Variants in CA5A observed in about 807,000 individuals in gnomAD.
CA5A encodes carbonic anhydrase 5A, also known as carbonic anhydrase 5A, mitochondrial.
CA5A carries 28 observed loss-of-function variants against 37.1 expected under a neutral mutation model. The ratio of observed to expected loss-of-function variants is 0.75; its 90% CI spans 0.56 to 1.03. The LOEUF is 1.03. CA5A is among the 50% of genes least tolerant of loss of function. The pLI is 0.00. For synonymous variants in CA5A, 171 were observed against 158.4 expected (o/e 1.08, Z -0.60); for missense variants, 444 against 399.9 (o/e 1.11, Z -0.94).
rs147233117 is a variant in CA5A at position 87,932,989 on chromosome 16, C to T, written c.142+3320G>A. 2.1e-3 allele frequency among the ~76,000 whole-genome samples: 319 copies of T among 152,334 alleles called. 1 individual carries two copies. The East Asian group carries it at 0.026, about 13-fold the overall frequency. On this transcript the variant is annotated intron_variant, in intron 1 of 6. Coordinates refer to ENST00000649794, the MANE Select transcript of CA5A (RefSeq NM_001739.2). Reference sequence around the variant, plus strand: ...CCTCGCCCTGTGAGTGCCTGCCCTCCGCCGTGAGAAGAACAGGCCTCAGGT... The same window carrying T: ...CCTCGCCCTGTGAGTGCCTGCCCTCTGCCGTGAGAAGAACAGGCCTCAGGT...
chr16:87,932,326 G>A (rs562577330), intron 1 of CA5A, among the ~76,000 whole-genome samples: 2 of 152,162 alleles, frequency 1.3e-5, no homozygotes, highest in African/African-American at 2.4e-5. Flanking sequence ...GACCAGAGAC[G>A]CAGGCTTCCC....
chr16:87,923,069 G>C (rs1301770716), intron 2 of CA5A, among the ~76,000 whole-genome samples: 1 of 152,222 alleles, frequency 6.6e-6, no homozygotes, highest in Non-Finnish European at 1.5e-5. Context: ...CCTTGTACTA[G>C]GTCACTCACC....
rs894335263 is a variant in CA5A, at chr16:87,911,845, C to T, written c.341-6941G>A. On this transcript the variant is annotated intron_variant, in intron 2 of 6. Coordinates refer to ENST00000649794, the MANE Select transcript of CA5A (RefSeq NM_001739.2). The surrounding 1 kb of genome is among the most constrained non-coding windows in gnomAD (Gnocchi z 4.6). Reference sequence around the variant, plus strand: ...TTATAGGTCTGTGGCCCAGACTAGACGTTTATAAAAGGATAATGATGCCTA... The same window carrying T: ...TTATAGGTCTGTGGCCCAGACTAGATGTTTATAAAAGGATAATGATGCCTA... Among the ~76,000 whole-genome samples the T allele has an allele frequency of 2.6e-5, 4 of 152,124 alleles. No individual in the cohort carries two copies. The highest frequency in any genetic ancestry group is 4.4e-5 in the Non-Finnish European group (3 of 68,038).
Position 87,911,541 on chromosome 16 carries a change from C to A in CA5A, c.341-6637G>T, listed in dbSNP as rs1268535217. Among the ~76,000 whole-genome samples the A allele has an allele frequency of 6.6e-6, 1 of 152,158 alleles. No homozygotes were observed. The highest frequency in any genetic ancestry group is 1.5e-5 in the Non-Finnish European group (1 of 68,036). ...ACTGGAAATTTCAAATAACATGATG[C>A]TGCAAAGGACCGGCCTGCTTCCGGT... On this transcript the variant is annotated intron_variant, in intron 2 of 6. Coordinates refer to ENST00000649794, the MANE Select transcript of CA5A (RefSeq NM_001739.2). The surrounding 1 kb of genome is among the most constrained non-coding windows in gnomAD (Gnocchi z 4.6).
chr16:87,902,537 A>T lies in CA5A; in HGVS notation c.460-17T>A. On this transcript the variant is annotated splice_polypyrimidine_tract_variant and intron_variant, in intron 3 of 6. Transcript: ENST00000649794. ...TAAATGCAGCTGAAACACAATGGAA[A>T]GAGAACTTAAATTGATCAGCAAGAA... 1 of 1,301,128 alleles carries T rather than the reference A, an allele frequency of 7.7e-7. No individual in the cohort carries two copies. The highest frequency in any genetic ancestry group is 1.1e-6 in the Non-Finnish European group (1 of 894,218). The allele number at this position is 1,301,128 out of a possible 1,614,324, so 80.6% of individuals were successfully genotyped here.
Position 87,891,871 on chromosome 16 carries a change from G to C in CA5A, c.702C>G (p.Leu234=), listed in dbSNP as rs1453509655. 2 of 1,575,400 alleles carry C rather than the reference G, an allele frequency of 1.3e-6. No homozygotes were observed. Among genetic ancestry groups the C allele is most frequent in the East Asian group, 4.8e-5 (2 of 41,590 alleles). ...CCGACTCGGTCAGCGGCGGGGTGGT[G>C]AGCGAGCCCGCGTAGGTCCAGTAAT... is the stretch of plus-strand genomic sequence containing the variant. The part of the protein sequence containing the change: ...CWDYWTYAGS[L]TTPPLTESVT... Residue 234 remains leucine (L), a synonymous_variant, in exon 6 of 7, where the codon CTC becomes CTG. Transcript: ENST00000649794.
At chr16:87,884,242 C>G (rs531479362), downstream of CA5A, 1 of 121,968 alleles carries the variant, frequency 8.2e-6, no homozygotes, top group African/African-American at 3.2e-5. Context: ...ATGGTGAAAC[C>G]GAATCTCTAC....
downstream of CA5A, chr16:87,887,800 C>G (rs2055660734): frequency 4.4e-6 from 1 of 225,792 alleles, no homozygotes; most frequent in South Asian, 1.0e-4. Flanking sequence ...GTGAGGACAC[C>G]TTGGTGTCGG....
intron 2 of CA5A, among the ~76,000 whole-genome samples, chr16:87,921,230 TTTTA>T (rs1270172941): frequency 2.0e-5 from 3 of 152,336 alleles, no homozygotes; most frequent in East Asian, 3.9e-4. Context: ...GCCTGGCCAC[TTTTA>T]TTTGTCTGCT....
intron 5 of CA5A, among the ~76,000 whole-genome samples, chr16:87,900,059 TC>T (rs1249490513): frequency 5.4e-5 from 8 of 148,258 alleles, no homozygotes; most frequent in Non-Finnish European, 1.5e-5. Flanking sequence ...GCATCATTCC[TC>T]CCCTGTGGTT....
rs1450887740 is a variant in CA5A, at chr16:87,924,381, T to C, written c.340+2367A>G. 4 of 912,388 alleles carry C rather than the reference T, an allele frequency of 4.4e-6. No homozygotes were observed. The East Asian group carries it at 3.6e-4, about 81-fold the overall frequency. 56.5% of individuals were successfully genotyped at this position (912,388 alleles called of 1,614,324 possible). The stretch of plus-strand genomic sequence containing the variant: ...CACTGGAAGGACCAAGCCGTGGTGT[T>C]TGCGATGCACTGTGTAGGGCCTGGC... On this transcript the variant is annotated intron_variant, in intron 2 of 6. Coordinates refer to ENST00000649794, the MANE Select transcript of CA5A (RefSeq NM_001739.2).
intron 1 of CA5A, among the ~76,000 whole-genome samples, chr16:87,934,874 C>A (rs1343174064): frequency 6.6e-6 from 1 of 152,046 alleles, no homozygotes; most frequent in African/African-American, 2.4e-5. Flanking sequence ...TCAAGAGGAT[C>A]GCTTGAACCC....
chr16:87,905,176 G>A (rs1012347955), intron 2 of CA5A, among the ~76,000 whole-genome samples: 4 of 151,958 alleles, frequency 2.6e-5, no homozygotes, highest in Non-Finnish European at 5.9e-5. Context: ...TGGTGGTGAG[G>A]GCCTCAACTC....
chr16:87,928,751 CTTTTCTTTGT>C (rs2056351508), intron 1 of CA5A, among the ~76,000 whole-genome samples: 1 of 107,268 alleles, frequency 9.3e-6, no homozygotes, highest in African/African-American at 3.6e-5. Flanking sequence ...GGATTATTTT[CTTTTCTTTGT>C]TTTTTTTTTT....
intron 1 of CA5A, 114 bp downstream of exon 1, chr16:87,936,195 G>A (rs1314317031): frequency 1.7e-5 from 11 of 647,994 alleles, no homozygotes; most frequent in Non-Finnish European, 5.4e-6. Flanking sequence ...AAAAAACGGA[G>A]TGGAAATCTG....
At chr16:87,881,570 A>C (rs1038762832) in exon 5 of CA5A, 1 of 152,412 alleles carries the variant, frequency 6.6e-6, no homozygotes, top group African/African-American at 2.4e-5. Context: ...GCGTATCTTT[A>C]TTAAACAAGA....
chr16:87,906,930 T>C (rs970120843), intron 2 of CA5A, among the ~76,000 whole-genome samples: 1 of 152,060 alleles, frequency 6.6e-6, no homozygotes, highest in African/African-American at 2.4e-5. Context: ...AAAATCACTT[T>C]GTTAGGCCAG....
chr16:87,901,986 A>G lies in CA5A; in HGVS notation c.556-12T>C. 6.2e-7 allele frequency: 1 copy of G among 1,613,110 alleles called. No individual in the cohort carries two copies. The highest frequency in any genetic ancestry group is 1.3e-5 in the African/African-American group (1 of 75,002). On this transcript the variant is annotated splice_polypyrimidine_tract_variant and intron_variant, in intron 4 of 6. Transcript: ENST00000649794. ...TGATGGGCCCCGAGCTGCATGGCAGACAAAGGAGGGGTTAGCTGCAAAGGC... is the reference window on the plus strand; with the variant it reads ...TGATGGGCCCCGAGCTGCATGGCAGGCAAAGGAGGGGTTAGCTGCAAAGGC...
chr16:87,896,630 ACTTTT>A (rs777930742), intron 5 of CA5A, among the ~76,000 whole-genome samples: 2 of 152,148 alleles, frequency 1.3e-5, no homozygotes, highest in East Asian at 1.9e-4. Flanking sequence ...GACTTGTTCC[ACTTTT>A]CTTTTATTTA....
Sources: allele counts gnomAD v4.1 joint callset (sites outside exome capture counted in the v4.1 genomes callset), GRCh38; gene constraint gnomAD v4.1.1; non-coding constraint Gnocchi (gnomAD v3.1); transcripts MANE v1.5; gene names NCBI Gene and HGNC (gene_info 2026-07-23, HGNC 2026-07-21).